CWH43: variants seen among roughly 807,000 people sequenced by gnomAD.
CWH43 encodes cell wall biogenesis 43 C-terminal homolog, also known as PGAP2-interacting protein.
CWH43 carries 91 observed loss-of-function variants against 85.7 expected under a neutral mutation model. That is an observed-to-expected ratio of 1.06 (90% CI 0.90 to 1.26). CWH43 has a LOEUF of 1.26. Ranked by LOEUF, CWH43 falls within the 50% of genes most tolerant of loss-of-function variation. CWH43 has a pLI of 0.00. For synonymous variants in CWH43, 323 were observed against 293.6 expected, an observed-to-expected ratio of 1.10 and a Z score of -1.02; for missense variants, 869 against 839.2, an observed-to-expected ratio of 1.04 and a Z score of -0.44.
intron 9 of CWH43, among the ~76,000 whole-genome samples, chr4:49,018,072 T>G (rs989240372): frequency 1.4e-4 from 21 of 152,012 alleles, no homozygotes; most frequent in African/African-American, 5.1e-4. Context: ...TTTCCTGACC[T>G]TGTGATCCGC....
intron 6 of CWH43, among the ~76,000 whole-genome samples, chr4:49,001,413 G>T (rs1438993516): frequency 1.3e-5 from 2 of 152,016 alleles, no homozygotes; most frequent in African/African-American, 4.8e-5. Context: ...TCAAACAAAA[G>T]CAGTTAAGGA....
intron 12 of CWH43, among the ~76,000 whole-genome samples, chr4:49,035,778 C>G (rs771325180): frequency 3.9e-5 from 6 of 151,996 alleles, no homozygotes; most frequent in Non-Finnish European, 7.4e-5. Flanking sequence ...AAACCAAATT[C>G]ACAGATTACT....
At chr4:48,990,473 A>T (rs929428308) in intron 2 of CWH43, among the ~76,000 whole-genome samples, 10 of 152,214 alleles carry the variant, frequency 6.6e-5, no homozygotes, top group African/African-American at 2.4e-4. Flanking sequence ...ATATTCTTAT[A>T]TAAATACAGA....
In CWH43 at chr4:49,038,171, C is replaced by T. The variant is rs778544177; in HGVS notation, c.1794C>T (p.Gly598=). 1.3e-6 allele frequency: 2 copies of T among 1,572,750 alleles called. No individual in the cohort carries two copies. The highest frequency in any genetic ancestry group is 2.4e-5 in the South Asian group (2 of 83,584). ...ATTATCTACAGCTCACTGAACATGG[C>T]AATGTGAAGGTAACATAATCTTAAT... ...SRDYLQLTEH[G]NVKDIDSTDH... is the part of the protein sequence containing the mutation. Residue 598 remains glycine, a synonymous_variant, in exon 13 of 16, where the codon GGC becomes GGT. Coordinates refer to ENST00000226432, the MANE Select transcript of CWH43 (RefSeq NM_025087.3).
At chr4:49,004,103 C>G (rs753646484) in intron 7 of CWH43, 111 bp downstream of exon 7, 1 of 972,096 alleles carries the variant, frequency 1.0e-6, no homozygotes, top group Non-Finnish European at 1.5e-6. Flanking sequence ...GATGATCTAG[C>G]TTTCTTGGTA....
chr4:49,003,640 A>G, intron 6 of CWH43, 95 bp from the exon 7 acceptor site: 1 of 1,204,958 alleles, frequency 8.3e-7, no homozygotes, highest in South Asian at 1.4e-5. Context: ...GGATCAGTAT[A>G]CCCCTAAGGT....
At chr4:49,039,412 T>C (rs1271156127) in intron 13 of CWH43, among the ~76,000 whole-genome samples, 5 of 137,474 alleles carry the variant, frequency 3.6e-5, no homozygotes, top group Non-Finnish European at 7.7e-5. Flanking sequence ...TATATATATA[T>C]ACTGATATAT....
chr4:49,023,294 C>G (rs1230147383), intron 9 of CWH43, among the ~76,000 whole-genome samples: 1 of 152,160 alleles, frequency 6.6e-6, no homozygotes, highest in Non-Finnish European at 1.5e-5. Context: ...ATTGTGGACA[C>G]AATGATCATT....
rs1782891323 is a variant in CWH43 at position 48,998,554 on chromosome 4, T to C, written c.802+6T>C. On this transcript the variant is annotated splice_donor_region_variant and intron_variant, in intron 6 of 15. Coordinates refer to ENST00000226432, the MANE Select transcript of CWH43 (RefSeq NM_025087.3). The stretch of plus-strand genomic sequence containing the variant: ...TTTGATCTGGTGGGTTACAGGTATG[T>C]GGAATTTACCTGCAGATAGAACACG... 2.5e-6 allele frequency: 4 copies of C among 1,606,618 alleles called. No individual in the cohort carries two copies. Among genetic ancestry groups the C allele is most frequent in the Non-Finnish European group, 3.4e-6 (4 of 1,173,306 alleles).
intron 6 of CWH43, 62 bp downstream of exon 6, chr4:48,998,610 G>A: frequency 1.6e-6 from 2 of 1,216,984 alleles, no homozygotes; most frequent in South Asian, 1.2e-5. Context: ...TTGTTTGCAA[G>A]CATGCGCAAC....
At chr4:49,032,825 C>T (rs1182579129) in intron 12 of CWH43, 110 bp downstream of exon 12, 1 of 1,323,978 alleles carries the variant, frequency 7.6e-7, no homozygotes, top group Non-Finnish European at 1.1e-6. Flanking sequence ...TTTTACCTCC[C>T]AAAGTATTTC....
At chr4:49,039,322 T>TC in intron 13 of CWH43, among the ~76,000 whole-genome samples, 1 of 73,300 alleles carries the variant, frequency 1.4e-5, no homozygotes, top group Non-Finnish European at 2.7e-5. Context: ...TATATATATA[T>TC]ATATATATAT....
chr4:49,030,600 G>A (rs765502216), intron 10 of CWH43, among the ~76,000 whole-genome samples: 5 of 152,162 alleles, frequency 3.3e-5, no homozygotes, highest in Non-Finnish European at 7.3e-5. Flanking sequence ...ATCCTTCTTG[G>A]TAGTTCCTGG....
At chr4:49,031,060 T>C in intron 11 of CWH43, 100 bp downstream of exon 11, 1 of 1,163,580 alleles carries the variant, frequency 8.6e-7, no homozygotes, top group South Asian at 1.9e-5. Context: ...TTGGTGAATG[T>C]GCCCCAGTGA....
intron 10 of CWH43, among the ~76,000 whole-genome samples, chr4:49,030,082 G>T (rs578200386): frequency 1.3e-5 from 2 of 152,300 alleles, no homozygotes; most frequent in Admixed American, 1.3e-4. Context: ...AGGTGTGGAG[G>T]GGCTGGCCCC....
Position 49,025,823 on chromosome 4 carries a change from G to A in CWH43, c.1267-2806G>A, listed in dbSNP as rs535568136. On this transcript the variant is annotated intron_variant, in intron 9 of 15. Transcript: ENST00000226432. ...TTTGTTAAGTGTGCTGGTTTTGTTG[G>A]CCTCCAGCCAGGGTGTGGCACTTTC... Among the ~76,000 whole-genome samples, 56 of 152,276 alleles carry A rather than the reference G, an allele frequency of 3.7e-4. 1 individual carries two copies. The South Asian group carries it at 0.011, about 30-fold the overall frequency.
intron 8 of CWH43, 180 bp from the exon 9 acceptor site, chr4:49,017,069 G>C: frequency 1.4e-6 from 1 of 736,274 alleles, no homozygotes; most frequent in Non-Finnish European, 2.5e-6. Context: ...CCTTGGTCAC[G>C]TTCAGTGTCA....
chr4:49,026,337 G>T (rs1450625597), intron 9 of CWH43, among the ~76,000 whole-genome samples: 1 of 152,202 alleles, frequency 6.6e-6, no homozygotes, highest in Non-Finnish European at 1.5e-5. Flanking sequence ...GGACCCTGCA[G>T]CAACAATACA....
intron 14 of CWH43, among the ~76,000 whole-genome samples, chr4:49,047,775 C>G (rs757948695): frequency 1.2e-4 from 19 of 152,188 alleles, no homozygotes; most frequent in African/African-American, 4.1e-4. Context: ...GGATCCTTAG[C>G]AAGCACTTTG....
Sources: gnomAD v4.1 joint callset for allele counts (sites outside exome capture counted in the v4.1 genomes callset) on GRCh38, gnomAD v4.1.1 for gene constraint, MANE v1.5 for transcripts, NCBI Gene and HGNC (gene_info 2026-07-23, HGNC 2026-07-21) for gene names.